The following EYA1 variants were observed in gnomAD, a reference collection of about 807,000 sequenced individuals.
The protein encoded by EYA1 is EYA transcriptional coactivator and phosphatase 1.
A neutral mutation model predicts 82.0 loss-of-function variants in EYA1; 16 were observed. That is an observed-to-expected ratio of 0.20 (90% CI 0.13 to 0.30). The LOEUF (loss-of-function observed/expected upper bound fraction) is 0.30, where lower values mean the gene tolerates loss of function less well. Ranked by LOEUF, EYA1 falls within the 10% of genes least tolerant of loss-of-function variation. The probability of loss-of-function intolerance (pLI) is 1.00; values close to 1 mark genes in which losing one functional copy is unlikely to be tolerated. For missense variants in EYA1, 633 were observed against 730.7 expected, an observed-to-expected ratio of 0.87 and a Z score of 1.54; for synonymous variants, 261 against 264.4, an observed-to-expected ratio of 0.99 and a Z score of 0.12.
intron 9 of EYA1, among the ~76,000 whole-genome samples, chr8:71,294,284 C>T (rs1189692789): frequency 1.3e-5 from 2 of 152,010 alleles, no homozygotes; most frequent in Non-Finnish European, 2.9e-5. Flanking sequence ...ACAGTGAAAC[C>T]CCGTCTCTAC....
chr8:71,235,958 G>C (rs921362602), intron 12 of EYA1, among the ~76,000 whole-genome samples: 5 of 152,118 alleles, frequency 3.3e-5, no homozygotes, highest in African/African-American at 1.2e-4. Context: ...TTTTAAACTT[G>C]AAAATATATC....
At chr8:71,329,303 T>C (rs751676915) in intron 4 of EYA1, among the ~76,000 whole-genome samples, 6 of 152,180 alleles carry the variant, frequency 3.9e-5, no homozygotes, top group Non-Finnish European at 7.4e-5. Flanking sequence ...AAAAATTATT[T>C]TAAACCATTC....
chr8:71,337,743 C>T (rs1824662514), intron 3 of EYA1, among the ~76,000 whole-genome samples: 1 of 152,204 alleles, frequency 6.6e-6, no homozygotes, highest in African/African-American at 2.4e-5. Context: ...TCATCATCAT[C>T]ATTAAAAGTA....
chr8:71,417,941 A>ATG (rs1830944300), intron 2 of EYA1, among the ~76,000 whole-genome samples: 2 of 152,206 alleles, frequency 1.3e-5, no homozygotes, highest in Non-Finnish European at 2.9e-5. Context: ...ATCATCCTGA[A>ATG]TGCCTCTGTC....
At chr8:71,240,267 C>T (rs939420658) in intron 12 of EYA1, among the ~76,000 whole-genome samples, 23 of 131,232 alleles carry the variant, frequency 1.8e-4, no homozygotes, top group African/African-American at 6.7e-4. Flanking sequence ...CTGCCCCAGG[C>T]CTTTTTTTTT....
intron 2 of EYA1, among the ~76,000 whole-genome samples, chr8:71,387,545 A>G (rs1177143249): frequency 6.6e-6 from 1 of 152,164 alleles, no homozygotes; most frequent in Non-Finnish European, 1.5e-5. Flanking sequence ...TCTGAAAAAC[A>G]TTTACAGTTA....
intron 2 of EYA1, among the ~76,000 whole-genome samples, chr8:71,444,227 T>C (rs905611787): frequency 1.4e-4 from 22 of 152,366 alleles, no homozygotes; most frequent in Admixed American, 1.3e-4. Context: ...CCAATATTCC[T>C]TTCTAACAAA....
chr8:71,350,118 T>C (rs1269701560), intron 3 of EYA1, among the ~76,000 whole-genome samples: 3 of 152,216 alleles, frequency 2.0e-5, no homozygotes, highest in African/African-American at 7.2e-5. Context: ...AACTAAATCC[T>C]GTGCAGAATG....
intron 2 of EYA1, chr8:71,530,724 A>G (rs1263343536): frequency 2.6e-5 from 4 of 152,208 alleles, no homozygotes; most frequent in African/African-American, 7.2e-5. Context: ...GTTAAAAGTC[A>G]CCTTTTATTT....
chr8:71,418,869 G>A (rs1333547433), intron 2 of EYA1, among the ~76,000 whole-genome samples: 1 of 152,144 alleles, frequency 6.6e-6, no homozygotes. Flanking sequence ...TCTCTGATAA[G>A]ATGACATTTG....
intron 17 of EYA1, among the ~76,000 whole-genome samples, chr8:71,200,719 G>A (rs1428629102): frequency 2.6e-5 from 4 of 152,058 alleles, no homozygotes; most frequent in Non-Finnish European, 4.4e-5. Context: ...AAGATATAGA[G>A]ATGCATGTGT....
At chr8:71,517,105 T>C (rs1449698032) in intron 2 of EYA1, among the ~76,000 whole-genome samples, 1 of 151,978 alleles carries the variant, frequency 6.6e-6, no homozygotes, top group Non-Finnish European at 1.5e-5. Flanking sequence ...CCCATAAATC[T>C]TTTTTTGTTT....
At chr8:71,326,839 C>T (rs1236720157) in intron 4 of EYA1, among the ~76,000 whole-genome samples, 2 of 152,162 alleles carry the variant, frequency 1.3e-5, no homozygotes, top group East Asian at 1.9e-4. Flanking sequence ...GTTTCCATGT[C>T]ACCATTCACC....
intron 16 of EYA1, among the ~76,000 whole-genome samples, chr8:71,212,883 C>T (rs1290465583): frequency 6.6e-6 from 1 of 152,122 alleles, no homozygotes; most frequent in Non-Finnish European, 1.5e-5. Flanking sequence ...CTGAGACCAG[C>T]CTGGCTAACA....
chr8:71,485,513 A>ATAAC (rs1321681281), intron 2 of EYA1, among the ~76,000 whole-genome samples: 2 of 152,196 alleles, frequency 1.3e-5, no homozygotes, highest in African/African-American at 4.8e-5. Context: ...AAGAACGGTT[A>ATAAC]GGCAAGAAGA....
At chr8:71,447,319 T>A (rs966889904) in intron 2 of EYA1, among the ~76,000 whole-genome samples, 1 of 152,062 alleles carries the variant, frequency 6.6e-6, no homozygotes, top group Admixed American at 6.6e-5. Context: ...ATATAGGCAT[T>A]GGTAAAGTCT....
intron 16 of EYA1, among the ~76,000 whole-genome samples, chr8:71,213,154 T>G (rs1242210965): frequency 6.6e-6 from 1 of 152,134 alleles, no homozygotes; most frequent in Non-Finnish European, 1.5e-5. Flanking sequence ...CACCACCACA[T>G]ATTTTTTTTC....
intron 2 of EYA1, among the ~76,000 whole-genome samples, chr8:71,397,053 T>C (rs1352004812): frequency 6.6e-6 from 1 of 152,238 alleles, no homozygotes; most frequent in East Asian, 1.9e-4. Context: ...TGGCCTTCTT[T>C]GTCTCTTTTG....
At chr8:71,244,525 A>G (rs1812844167) in intron 12 of EYA1, 78 bp downstream of exon 12, 16 of 785,956 alleles carry the variant, frequency 2.0e-5, no homozygotes, top group Non-Finnish European at 3.3e-5. Flanking sequence ...ACATTAAAAA[A>G]TAATATCCTA....
Sources: gnomAD v4.1 joint callset for allele counts (sites outside exome capture counted in the v4.1 genomes callset) on GRCh38, gnomAD v4.1.1 for gene constraint, MANE v1.5 for transcripts, NCBI Gene and HGNC (gene_info 2026-07-23, HGNC 2026-07-21) for gene names.